The following ATP5MC1 variants were observed in gnomAD, a reference collection of about 807,000 sequenced individuals.
The protein encoded by ATP5MC1 is ATP synthase membrane subunit c locus 1.
A neutral mutation model predicts 12.1 loss-of-function variants in ATP5MC1; 4 were observed. That is an observed-to-expected ratio of 0.33 (90% confidence interval 0.16 to 0.76). The LOEUF is 0.76. Among genes scored for constraint, ATP5MC1 ranks in the 30% least tolerant of loss-of-function variants. The probability of loss-of-function intolerance (pLI) is 0.61; values close to 1 mark genes in which losing one functional copy is unlikely to be tolerated. For missense variants in ATP5MC1, 117 were observed against 172.1 expected, an observed-to-expected ratio of 0.68 and a Z score of 1.79; for synonymous variants, 52 against 66.0, an observed-to-expected ratio of 0.79 and a Z score of 1.03.
At chr17:48,895,459 G>A in intron 4 of ATP5MC1, 125 bp downstream of exon 4, 2 of 1,414,608 alleles carry the variant, frequency 1.4e-6, no homozygotes, top group East Asian at 2.3e-5. Context: ...TTTCTCCAGA[G>A]AAAACATGCA....
chr17:48,895,445 A>G, intron 4 of ATP5MC1, 111 bp downstream of exon 4: 3 of 1,453,658 alleles, frequency 2.1e-6, no homozygotes, highest in South Asian at 2.7e-5. Context: ...CATCTACATC[A>G]TAGTTTCTCC....
chr17:48,893,251 C>T (rs758704251), intron 1 of ATP5MC1, 158 bp from the exon 2 acceptor site: 10 of 673,680 alleles, frequency 1.5e-5, no homozygotes, highest in Non-Finnish European at 2.2e-5. Context: ...CTCTGTCCCT[C>T]TGACCTCTAA....
At chr17:48,895,393 C>A in intron 4 of ATP5MC1, 59 bp downstream of exon 4, 1 of 1,533,592 alleles carries the variant, frequency 6.5e-7, no homozygotes. Flanking sequence ...TTGGGGAAGC[C>A]TCAGCTGGAG....
intron 2 of ATP5MC1, 164 bp from the exon 3 acceptor site, chr17:48,894,208 G>C: frequency 3.0e-6 from 2 of 662,440 alleles, no homozygotes; most frequent in Non-Finnish European, 5.3e-6. Context: ...TATTGAGACA[G>C]CTGTCTCTGG....
intron 3 of ATP5MC1, 105 bp from the exon 4 acceptor site, chr17:48,895,049 AAC>A: frequency 7.4e-7 from 1 of 1,350,708 alleles, no homozygotes; most frequent in Non-Finnish European, 1.0e-6. Context: ...GCAGTTTGCC[AAC>A]AGTTTCAGAG....
intron 1 of ATP5MC1, 165 bp downstream of exon 1, chr17:48,893,075 G>C: frequency 2.9e-6 from 1 of 344,010 alleles, no homozygotes; most frequent in Non-Finnish European, 5.3e-6. Context: ...GGCTGGGGCG[G>C]GTCGGGGACT....
Position 48,895,749 on chromosome 17 carries a change from C to T in ATP5MC1, c.391C>T (p.Leu131Phe). ...GCTTTTCTGTTTGATGGTCGCCTTC[C>T]TCATCCTCTTCGCCATGTGAGGCTC... ...MGLFCLMVAF[L>F]ILFAM Residue 131 changes from leucine to phenylalanine, a missense_variant, in exon 5 of 5, where the codon CTC (leucine) becomes TTC (phenylalanine). By Grantham distance (22) the Leu-to-Phe change is conservative. Coordinates refer to ENST00000393366, the MANE Select transcript of ATP5MC1 (RefSeq NM_005175.3). 1 of 1,602,648 alleles carries T rather than the reference C, an allele frequency of 6.2e-7. No homozygotes were observed. The highest frequency in any genetic ancestry group is 8.5e-7 in the Non-Finnish European group (1 of 1,177,540).
rs1314480477 is a variant in ATP5MC1 at position 48,895,184 on chromosome 17, T to C, written c.146T>C (p.Val49Ala). Residue 49 changes from valine to alanine, a missense_variant, in exon 4 of 5, where the codon GTG becomes GCG. Coordinates refer to ENST00000393366, the MANE Select transcript of ATP5MC1 (RefSeq NM_005175.3). ...TCCTACAGCAACTTCCCACTCCAGGTGGCCAGACGGGAGTTCCAGACCAGT... is the reference window on the plus strand; with the variant it reads ...TCCTACAGCAACTTCCCACTCCAGGCGGCCAGACGGGAGTTCCAGACCAGT... ...QPSYSNFPLQ[V>A]ARREFQTSVV... 1 of 1,608,312 alleles carries C rather than the reference T, an allele frequency of 6.2e-7. No individual in the cohort carries two copies. The highest frequency in any genetic ancestry group is 1.1e-5 in the South Asian group (1 of 90,936).
chr17:48,893,317 C>T, intron 1 of ATP5MC1, 92 bp from the exon 2 acceptor site: 2 of 1,338,524 alleles, frequency 1.5e-6, no homozygotes, highest in Non-Finnish European at 2.1e-6. Context: ...GGAGGACGGA[C>T]GGGGGTGAAG....
Position 48,895,771 on chromosome 17 carries a change from G to A in ATP5MC1, c.*2G>A, listed in dbSNP as rs2040567273. 1 of 1,465,142 alleles carries A rather than the reference G, an allele frequency of 6.8e-7. No homozygotes were observed. Among genetic ancestry groups the A allele is most frequent in the South Asian group, 1.2e-5 (1 of 86,228 alleles). The allele number at this position is 1,465,142 out of a possible 1,614,324, so 90.8% of individuals were successfully genotyped here. On this transcript the variant is annotated 3_prime_UTR_variant, in exon 5 of 5. Coordinates refer to ENST00000393366, the MANE Select transcript of ATP5MC1 (RefSeq NM_005175.3). ...TTCCTCATCCTCTTCGCCATGTGAG[G>A]CTCCATGGGGGGGTCACCGGCCTGT... is the stretch of plus-strand genomic sequence containing the variant.
chr17:48,894,663 C>T, intron 3 of ATP5MC1: 1 of 531,866 alleles, frequency 1.9e-6, no homozygotes, highest in Non-Finnish European at 3.4e-6. Context: ...CCAGTTACTC[C>T]AGGGCTGAGA....
At position 48,894,964 on chromosome 17, in the gene ATP5MC1, T is replaced by C. The variant is rs2040558327; in HGVS notation, c.118-192T>C. On this transcript the variant is annotated intron_variant, in intron 3 of 4. Coordinates refer to ENST00000393366, the MANE Select transcript of ATP5MC1 (RefSeq NM_005175.3). ...CTAACCCATGAAATTTCCCTAGTCC[T>C]GTCTGCTGTCTGACAACAGACTCTA... 24 of 726,630 alleles carry C rather than the reference T, an allele frequency of 3.3e-5. No homozygotes were observed. In the South Asian group the frequency reaches 3.4e-4, roughly 10 times the overall value. The allele number at this position is 726,630 out of a possible 1,614,324, so 45.0% of individuals were successfully genotyped here. A position where few individuals can be genotyped will look rare whatever the true frequency, so the allele number is the denominator to read the frequency against.
intron 4 of ATP5MC1, 70 bp from the exon 5 acceptor site, chr17:48,895,584 AC>A: frequency 7.1e-7 from 1 of 1,412,356 alleles, no homozygotes; most frequent in Non-Finnish European, 1.0e-6. Flanking sequence ...CATTCACCTC[AC>A]CCTCCTGTGT....
At chr17:48,895,511 G>C in intron 4 of ATP5MC1, 144 bp from the exon 5 acceptor site, 1 of 1,271,826 alleles carries the variant, frequency 7.9e-7, no homozygotes, top group Non-Finnish European at 1.1e-6. Flanking sequence ...GGCCCACTCT[G>C]CTTGTCCATC....
chr17:48,895,617 C>T (rs2040565767), intron 4 of ATP5MC1, 38 bp from the exon 5 acceptor site: 2 of 1,576,190 alleles, frequency 1.3e-6, no homozygotes, highest in African/African-American at 2.7e-5. Flanking sequence ...CTCACCCCTT[C>T]CTCTCCCTCA....
chr17:48,893,112 G>A (rs1296577678), intron 1 of ATP5MC1: 1 of 420,088 alleles, frequency 2.4e-6, no homozygotes, highest in Admixed American at 3.9e-5. Context: ...AGGATCCTGC[G>A]CGACACCTGC....
Position 48,893,471 on chromosome 17 carries a change from C to G in ATP5MC1, c.39+15C>G. On this transcript the variant is annotated intron_variant, in intron 2 of 4. Coordinates refer to ENST00000393366, the MANE Select transcript of ATP5MC1 (RefSeq NM_005175.3). ...CTCCAGCTCTGGTAAGGTGCCGCGCCGCAGTGCTCTGTAGTACCAGGTGTA... is the reference window on the plus strand; with the variant it reads ...CTCCAGCTCTGGTAAGGTGCCGCGCGGCAGTGCTCTGTAGTACCAGGTGTA... The G allele has an allele frequency of 6.2e-7, 1 of 1,613,674 alleles. No individual in the cohort carries two copies. The highest frequency in any genetic ancestry group is 8.5e-7 in the Non-Finnish European group (1 of 1,179,888).
At chr17:48,894,520 C>T (rs1369159472) in intron 3 of ATP5MC1, 71 bp downstream of exon 3, 5 of 1,491,906 alleles carry the variant, frequency 3.4e-6, no homozygotes, top group Non-Finnish European at 4.7e-6. Flanking sequence ...GTAATCCCAG[C>T]TCTTTGAGAG....
intron 1 of ATP5MC1, chr17:48,893,179 C>T (rs2040544746): frequency 1.9e-6 from 1 of 517,342 alleles, no homozygotes; most frequent in Non-Finnish European, 3.4e-6. Context: ...CATTTCCTTC[C>T]TGGGGCTTGG....
Sources: gnomAD v4.1 joint callset for allele counts on GRCh38, gnomAD v4.1.1 for gene constraint, MANE v1.5 for transcripts, NCBI Gene and HGNC (gene_info 2026-07-23, HGNC 2026-07-21) for gene names.